Variants in DAPK1 observed in about 807,000 individuals in gnomAD.
DAPK1 encodes death associated protein kinase 1.
In DAPK1, 56 loss-of-function variants were observed where a neutral mutation model predicts 144.9. That is an observed-to-expected ratio of 0.39 (90% CI 0.31 to 0.48). The LOEUF (loss-of-function observed/expected upper bound fraction) is 0.48. Ranked by LOEUF, DAPK1 falls within the 20% of genes least tolerant of loss-of-function variation. The pLI, the probability that DAPK1 is intolerant of heterozygous loss-of-function variation, is 0.95. For synonymous variants in DAPK1, 690 were observed against 749.0 expected, an observed-to-expected ratio of 0.92 and a Z score of 1.29; for missense variants, 1,454 against 1,875.4, an observed-to-expected ratio of 0.78 and a Z score of 4.15.
chr9:87,691,824 C>T (rs1389148127), intron 21 of DAPK1, among the ~76,000 whole-genome samples: 1 of 151,948 alleles, frequency 6.6e-6, no homozygotes, highest in African/African-American at 2.4e-5. Context: ...TCTAGTTTTA[C>T]TGCACTGTGG....
chr9:87,648,988 C>T, intron 15 of DAPK1, 109 bp downstream of exon 15: 5 of 962,606 alleles, frequency 5.2e-6, no homozygotes, highest in Admixed American at 1.9e-5. Context: ...GGCTTTCTGT[C>T]TTCCCCTACA....
chr9:87,681,697 A>G (rs568792956), intron 20 of DAPK1, 71 bp downstream of exon 20: 2 of 806,962 alleles, frequency 2.5e-6, no homozygotes, highest in Admixed American at 3.9e-5. Context: ...TTCAAGGTCT[A>G]GGGGGGAAGG....
intron 21 of DAPK1, among the ~76,000 whole-genome samples, chr9:87,696,658 G>T (rs991267791): frequency 4.6e-5 from 7 of 152,076 alleles, no homozygotes; most frequent in African/African-American, 1.7e-4. Flanking sequence ...ACGTTCTCAG[G>T]ACCTAATCCA....
intron 2 of DAPK1, among the ~76,000 whole-genome samples, chr9:87,550,960 G>C (rs1245696496): frequency 6.6e-6 from 1 of 152,176 alleles, no homozygotes; most frequent in Non-Finnish European, 1.5e-5. Context: ...CCGGGGAGGG[G>C]GCTAACCTGG....
At chr9:87,638,574 A>C (rs1829983007) in intron 4 of DAPK1, among the ~76,000 whole-genome samples, 1 of 152,232 alleles carries the variant, frequency 6.6e-6, no homozygotes, top group Non-Finnish European at 1.5e-5. Flanking sequence ...CCGTCCTCCC[A>C]GCCATGACAG....
chr9:87,529,177 A>G (rs932522802), intron 2 of DAPK1, among the ~76,000 whole-genome samples: 1 of 152,144 alleles, frequency 6.6e-6, no homozygotes, highest in African/African-American at 2.4e-5. Context: ...TTGATCTCTC[A>G]AGTCGCCTCC....
chr9:87,508,060 T>A (rs549917964), intron 2 of DAPK1, among the ~76,000 whole-genome samples: 4 of 152,216 alleles, frequency 2.6e-5, no homozygotes, highest in Non-Finnish European at 4.4e-5. Context: ...TCACCCAGAC[T>A]AGAGTGCAGT....
chr9:87,635,864 G>A (rs969773069), intron 3 of DAPK1, among the ~76,000 whole-genome samples: 8 of 152,256 alleles, frequency 5.3e-5, no homozygotes, highest in South Asian at 2.1e-4. Context: ...ACGTGGCCAC[G>A]GTGCCTGAGT....
At chr9:87,554,363 C>T (rs552624174) in intron 2 of DAPK1, 2 of 152,250 alleles carry the variant, frequency 1.3e-5, no homozygotes, top group East Asian at 3.9e-4. Flanking sequence ...TTCTGCAATG[C>T]CTCGAGGCAT....
chr9:87,548,561 A>G (rs1033172453), intron 2 of DAPK1, among the ~76,000 whole-genome samples: 3 of 152,230 alleles, frequency 2.0e-5, no homozygotes, highest in African/African-American at 7.2e-5. Context: ...ATGCTGAAAC[A>G]CTGGATTCCC....
At chr9:87,643,132 G>T (rs1252128495) in intron 10 of DAPK1, among the ~76,000 whole-genome samples, 1 of 152,114 alleles carries the variant, frequency 6.6e-6, no homozygotes. Flanking sequence ...CATGGAAGGA[G>T]AATCTCTATA....
chr9:87,634,156 C>T (rs1050846423), intron 3 of DAPK1, among the ~76,000 whole-genome samples: 2 of 152,242 alleles, frequency 1.3e-5, no homozygotes, highest in African/African-American at 4.8e-5. Context: ...TCATCTGTGG[C>T]TGCTTTCATG....
chr9:87,588,705 T>C (rs1478868554), intron 2 of DAPK1, among the ~76,000 whole-genome samples: 1 of 152,210 alleles, frequency 6.6e-6, no homozygotes, highest in African/African-American at 2.4e-5. Flanking sequence ...GATGGAAATA[T>C]GGATTTATTT....
At chr9:87,600,216 C>G (rs2118931131) in intron 2 of DAPK1, among the ~76,000 whole-genome samples, 1 of 152,320 alleles carries the variant, frequency 6.6e-6, no homozygotes, top group South Asian at 2.1e-4. Context: ...TTTCCACGAT[C>G]CTCTCCAATT....
chr9:87,699,561 A>T (rs1825386304), intron 23 of DAPK1, among the ~76,000 whole-genome samples: 1 of 147,844 alleles, frequency 6.8e-6, no homozygotes, highest in East Asian at 2.5e-4. Context: ...TGTAAAATAT[A>T]TGTTTTTACT....
chr9:87,706,404 C>A lies in DAPK1; in HGVS notation c.3333C>A (p.Asn1111Lys). The A allele has an allele frequency of 6.2e-7, 1 of 1,612,750 alleles. No individual in the cohort carries two copies. The highest frequency in any genetic ancestry group is 8.5e-7 in the Non-Finnish European group (1 of 1,179,346). The change falls in exon 26 of 26, where the codon AAC (asparagine) becomes AAA (lysine). Residue 1111 changes from asparagine to lysine, a missense_variant. By Grantham distance (94) the Asn-to-Lys change is moderately conservative. Transcript: ENST00000408954. The surrounding 1 kb of genome is among the most constrained non-coding windows in gnomAD (Gnocchi z 9.0). ...VDVPALIKTD[N>K]LHRSWADEED... ...TCCCAGCCCTGATCAAGACAGACAA[C>A]CTGCACCGCTCCTGGGCTGATGAGG...
intron 2 of DAPK1, among the ~76,000 whole-genome samples, chr9:87,557,551 AT>A (rs1308322400): frequency 6.6e-6 from 1 of 152,076 alleles, no homozygotes; most frequent in African/African-American, 2.4e-5. Context: ...AAGCCATTAG[AT>A]TTTTTTTCTA....
At chr9:87,570,824 G>A (rs1048940235) in intron 2 of DAPK1, among the ~76,000 whole-genome samples, 1 of 152,196 alleles carries the variant, frequency 6.6e-6, no homozygotes, top group African/African-American at 2.4e-5. Context: ...AACACATAGG[G>A]TGTCGAGTAA....
Position 87,646,516 on chromosome 9 carries a change from A to G in DAPK1, c.1187A>G (p.Gln396Arg), listed in dbSNP as rs769113422. The change falls in exon 13 of 26, where the codon CAG becomes CGG. Residue 396 changes from glutamine to arginine, a missense_variant. Transcript: ENST00000408954. The part of the protein sequence containing the change: ...AAGCGNIQIL[Q>R]LLIKRGSRID... Reference sequence around the variant, plus strand: ...GGCTGTGGGAATATTCAAATACTACAGTTGCTCATTAAAAGAGGCTCGAGA... The same window carrying G: ...GGCTGTGGGAATATTCAAATACTACGGTTGCTCATTAAAAGAGGCTCGAGA... 1.9e-6 allele frequency: 3 copies of G among 1,614,030 alleles called. No individual in the cohort carries two copies. Among genetic ancestry groups the G allele is most frequent in the East Asian group, 4.5e-5 (2 of 44,874 alleles).
Sources: gnomAD v4.1 joint callset for allele counts (sites outside exome capture counted in the v4.1 genomes callset) on GRCh38, gnomAD v4.1.1 for gene constraint, Gnocchi (gnomAD v3.1) non-coding constraint, MANE v1.5 for transcripts, NCBI Gene and HGNC (gene_info 2026-07-23, HGNC 2026-07-21) for gene names.